The following DSE variants were observed in gnomAD, a reference collection of about 807,000 sequenced individuals.
DSE encodes the protein dermatan sulfate epimerase, also known as dermatan-sulfate epimerase.
In DSE, 36 loss-of-function variants were observed where a neutral mutation model predicts 84.4. That is an observed-to-expected ratio of 0.43 (90% CI 0.33 to 0.56). The LOEUF is 0.56. DSE is among the 20% of genes least tolerant of loss of function. The probability of loss-of-function intolerance (pLI) is 0.06; values close to 1 mark genes in which losing one functional copy is unlikely to be tolerated. For synonymous variants in DSE, 410 were observed against 430.1 expected, an observed-to-expected ratio of 0.95 and a Z score of 0.58; for missense variants, 862 against 1,169.6, an observed-to-expected ratio of 0.74 and a Z score of 3.84.
intron 2 of DSE, among the ~76,000 whole-genome samples, chr6:116,322,299 G>T (rs1419227283): frequency 6.6e-6 from 1 of 152,136 alleles, no homozygotes; most frequent in Non-Finnish European, 1.5e-5. Flanking sequence ...TCTGCTTGTG[G>T]ATTTCATTTC....
intron 2 of DSE, among the ~76,000 whole-genome samples, chr6:116,297,671 C>G (rs548330109): frequency 1.3e-5 from 2 of 152,306 alleles, no homozygotes; most frequent in African/African-American, 4.8e-5. Flanking sequence ...CAAGGTTCTG[C>G]TTATGAATCT....
chr6:116,362,294 C>A (rs1778944328), intron 2 of DSE, among the ~76,000 whole-genome samples: 2 of 152,342 alleles, frequency 1.3e-5, no homozygotes, highest in South Asian at 4.1e-4. Context: ...TCCTGGCCCT[C>A]ACCCCTAGAG....
chr6:116,313,414 G>A (rs1360778055), intron 2 of DSE, among the ~76,000 whole-genome samples: 1 of 152,166 alleles, frequency 6.6e-6, no homozygotes, highest in Non-Finnish European at 1.5e-5. Context: ...AAGCCAAACA[G>A]AAGAAAACCA....
chr6:116,436,978 G>A lies in DSE; in HGVS notation c.2510G>A (p.Arg837Lys), dbSNP rs1213224276. 4 of 1,613,852 alleles carry A rather than the reference G, an allele frequency of 2.5e-6. No individual in the cohort carries two copies. The highest frequency in any genetic ancestry group is 3.4e-6 in the Non-Finnish European group (4 of 1,180,004). ...AQIEVNEKKI[R>K]QKAQILAQKE... The stretch of plus-strand genomic sequence containing the variant: ...ATTGAAGTCAATGAGAAAAAGATTA[G>A]ACAGAAAGCTCAGATTTTGGCACAG... Residue 837 changes from arginine to lysine, a missense_variant, in exon 6 of 6, where the codon AGA (arginine) becomes AAA (lysine). Arg to Lys is a conservative substitution (Grantham distance 26, BLOSUM62 2). Transcript: ENST00000644252.
intron 2 of DSE, among the ~76,000 whole-genome samples, chr6:116,426,356 C>G (rs1455216132): frequency 6.6e-6 from 1 of 152,116 alleles, no homozygotes; most frequent in African/African-American, 2.4e-5. Context: ...TCGATGTTGC[C>G]AGAATCCTGA....
intron 3 of DSE, among the ~76,000 whole-genome samples, chr6:116,429,344 G>A (rs138210158): frequency 6.6e-6 from 1 of 152,080 alleles, no homozygotes; most frequent in East Asian, 1.9e-4. Context: ...CTGGGCCTCT[G>A]GAAGCCCCAC....
At chr6:116,371,800 C>G (rs537246025) in intron 1 of DSE, among the ~76,000 whole-genome samples, 1 of 152,196 alleles carries the variant, frequency 6.6e-6, no homozygotes, top group African/African-American at 2.4e-5. Flanking sequence ...GAAAGCGATG[C>G]CACATGGGCT....
At position 116,390,523 on chromosome 6, in the gene DSE, T is replaced by TGA. The variant is rs2114972256; in HGVS notation, c.-53-8674_-53-8673dup. 1.3e-5 allele frequency among the ~76,000 whole-genome samples: 2 copies of TGA among 152,324 alleles called. 1 individual carries two copies. The highest frequency in any genetic ancestry group is 3.9e-4 in the East Asian group (2 of 5,190). On this transcript the variant is annotated intron_variant, in intron 1 of 5. Coordinates refer to ENST00000644252, the MANE Select transcript of DSE (RefSeq NM_013352.4). The stretch of plus-strand genomic sequence containing the variant: ...CAGGCAAAAATTACTACTTTTTAAG[T>TGA]GATTCAGCATAAAAAATACACTTAA...
At chr6:116,287,917 TC>T (rs1774027483) in intron 2 of DSE, among the ~76,000 whole-genome samples, 1 of 152,126 alleles carries the variant, frequency 6.6e-6, no homozygotes. Context: ...GTATCTAGTC[TC>T]TGATGGAAGA....
At chr6:116,327,944 C>T (rs917646333) in intron 2 of DSE, among the ~76,000 whole-genome samples, 3 of 152,116 alleles carry the variant, frequency 2.0e-5, no homozygotes, top group East Asian at 3.9e-4. Flanking sequence ...GAGCTTCCGC[C>T]ACAGAGGCCA....
intron 2 of DSE, chr6:116,276,631 G>A (rs369458688): frequency 6.6e-6 from 1 of 151,982 alleles, no homozygotes; most frequent in Non-Finnish European, 1.5e-5. Context: ...GAACTTTAAT[G>A]GATTAAAGGA....
Position 116,299,545 on chromosome 6 carries a change from TATATATACACATAC to T in DSE, c.-54+40580_-54+40593del, listed in dbSNP as rs1320100368. Among the ~76,000 whole-genome samples, 150 of 35,442 alleles carry T rather than the reference TATATATACACATAC, an allele frequency of 4.2e-3. 2 individuals carry two copies. Among genetic ancestry groups the T allele is most frequent in the African/African-American group, 0.021 (119 of 5,606 alleles). The allele number at this position is 35,442 out of a possible 152,430, so 23.3% of individuals were successfully genotyped here. On this transcript the variant is annotated intron_variant, in intron 2 of 3. Coordinates refer to the DSE transcript ENST00000430252. ...ATATATATATATATATATATATATA[TATATATACACATAC>T]ACACACACACACACATACATATATA...
chr6:116,347,537 T>C (rs1778057148), intron 2 of DSE, among the ~76,000 whole-genome samples: 1 of 152,130 alleles, frequency 6.6e-6, no homozygotes, highest in Non-Finnish European at 1.5e-5. Context: ...AAACAAGAAA[T>C]GGAGAAAAGA....
chr6:116,258,840 G>C (rs1402216637), exon 2 of DSE: 1 of 1,608,130 alleles, frequency 6.2e-7, no homozygotes, highest in East Asian at 2.2e-5. Context: ...CATGCTTGAC[G>C]ATGCACACAG....
chr6:116,280,133 C>A (rs1425064357), intron 2 of DSE: 2 of 464,398 alleles, frequency 4.3e-6, no homozygotes, highest in Non-Finnish European at 8.2e-6. Flanking sequence ...GACGACCCAC[C>A]TTGAGATGCA....
chr6:116,433,505 C>G lies in DSE; in HGVS notation c.1073C>G (p.Pro358Arg), dbSNP rs1340425375. 37 of 1,571,646 alleles carry G rather than the reference C, an allele frequency of 2.4e-5. No individual in the cohort carries two copies. The highest frequency in any genetic ancestry group is 3.0e-5 in the Non-Finnish European group (35 of 1,156,700). ...RNRVVEGPGT[P>R]SKGQRWCTLH... ...CGTGTGGTGGAAGGTCCAGGAACAC[C>G]ATCCAAAGGGCAGCGCTGGTGCACT... is the stretch of plus-strand genomic sequence containing the variant. The change falls in exon 5 of 6, where the codon CCA becomes CGA. Residue 358 changes from proline to arginine, a missense_variant. This residue lies in a region of DSE where 309 missense variants were observed against 516.9 expected (regional missense o/e 0.60). Coordinates refer to ENST00000644252, the MANE Select transcript of DSE (RefSeq NM_013352.4).
intron 2 of DSE, among the ~76,000 whole-genome samples, chr6:116,403,472 T>G (rs1429293570): frequency 6.6e-6 from 1 of 151,940 alleles, no homozygotes. Flanking sequence ...GCAATAAAGT[T>G]CTACTGTAAC....
rs1294023137 is a variant in DSE, at chr6:116,399,263, A to C, written c.13A>C (p.Thr5Pro). 2.5e-6 allele frequency: 4 copies of C among 1,613,950 alleles called. No homozygotes were observed. Among genetic ancestry groups the C allele is most frequent in the Non-Finnish European group, 3.4e-6 (4 of 1,180,028 alleles). The change falls in exon 2 of 6, where the codon ACA (threonine) becomes CCA (proline). Residue 5 changes from threonine (T) to proline (P), a missense_variant. By Grantham distance (38) the Thr-to-Pro change is conservative. Coordinates refer to ENST00000644252, the MANE Select transcript of DSE (RefSeq NM_013352.4). Reference sequence around the variant, plus strand: ...ATCTGATGCCACGATGAGGACTCACACACGGGGGGCTCCCAGTGTGTTTTT... The same window carrying C: ...ATCTGATGCCACGATGAGGACTCACCCACGGGGGGCTCCCAGTGTGTTTTT... MRTHTRGAPSVFFIY... is the reference protein window; with the variant it reads MRTHPRGAPSVFFIY...
At chr6:116,367,505 T>G (rs112149674), upstream of DSE, among the ~76,000 whole-genome samples, 91 of 152,336 alleles carry the variant, frequency 6.0e-4, no homozygotes, top group Non-Finnish European at 1.0e-3. Context: ...GTAATATTGT[T>G]ACTCTGTTAT....
Sources: allele counts gnomAD v4.1 joint callset (sites outside exome capture counted in the v4.1 genomes callset), GRCh38; gene constraint gnomAD v4.1.1; regional missense constraint gnomAD v4.1.1; transcripts MANE v1.5; gene names NCBI Gene and HGNC (gene_info 2026-07-23, HGNC 2026-07-21).